The following TCF25 variants were observed in gnomAD, a reference collection of about 807,000 sequenced individuals.
The protein encoded by TCF25 is TCF25 ribosome quality control complex subunit.
TCF25 carries 41 observed loss-of-function variants against 83.1 expected under a neutral mutation model. The observed-to-expected ratio is 0.49, with a 90% CI of 0.38 to 0.64. TCF25 has a LOEUF of 0.64. Ranked by LOEUF, TCF25 falls within the 30% of genes least tolerant of loss-of-function variation. TCF25 has a pLI of 0.00. For synonymous variants in TCF25, 458 were observed against 365.0 expected (o/e 1.25, Z -2.90); for missense variants, 979 against 914.5 (o/e 1.07, Z -0.91).
chr16:89,898,521 G>T (rs747138855), intron 9 of TCF25, 36 bp from the exon 10 acceptor site: 2 of 1,603,794 alleles, frequency 1.2e-6, no homozygotes, highest in Non-Finnish European at 1.7e-6. Context: ...TCTCCTTTGT[G>T]TCGTTGTAAT....
chr16:89,901,094 T>G, intron 12 of TCF25: 1 of 272,570 alleles, frequency 3.7e-6, no homozygotes, highest in Non-Finnish European at 7.1e-6. Flanking sequence ...ATTGTACCAG[T>G]GCTGGGGAGG....
At position 89,898,565 on chromosome 16, in the gene TCF25, A is replaced by T. The variant is rs753686169; in HGVS notation, c.1031A>T (p.Tyr344Phe). The T allele has an allele frequency of 6.3e-7, 1 of 1,598,854 alleles. No individual in the cohort carries two copies. Among genetic ancestry groups the T allele is most frequent in the South Asian group, 1.1e-5 (1 of 90,592 alleles). The change falls in exon 10 of 18, where the codon TAC becomes TTC. Residue 344 changes from tyrosine to phenylalanine, a missense_variant. Transcript: ENST00000263346. ...AACTATTTTGGATCTAGGAGCTTCT[A>T]CCTGGCCCTCTACAAGCAGATGAGC... ...DYRRPENRSFYLALYKQMSFL... is the reference protein window; with the variant it reads ...DYRRPENRSFFLALYKQMSFL...
chr16:89,876,207 T>G (rs570150720), intron 1 of TCF25, among the ~76,000 whole-genome samples: 1 of 152,270 alleles, frequency 6.6e-6, no homozygotes, highest in South Asian at 2.1e-4. Flanking sequence ...CTTAGGAATT[T>G]CAGAGAATTT....
intron 11 of TCF25, among the ~76,000 whole-genome samples, chr16:89,899,952 G>T (rs1345527551): frequency 6.6e-6 from 1 of 152,168 alleles, no homozygotes; most frequent in Non-Finnish European, 1.5e-5. Flanking sequence ...GAATTTTTAA[G>T]CATTTGGCAT....
intron 1 of TCF25, among the ~76,000 whole-genome samples, chr16:89,879,120 T>C (rs1025587284): frequency 4.6e-5 from 7 of 151,308 alleles, no homozygotes; most frequent in African/African-American, 1.7e-4. Context: ...GTTGTCCGTG[T>C]ACACAGATGG....
chr16:89,878,434 A>ATTTT (rs34120033), intron 1 of TCF25: 604 of 1,005,474 alleles, frequency 6.0e-4, no homozygotes, highest in South Asian at 1.8e-3. Context: ...AAAAATCACC[A>ATTTT]TTTTTTTTTT....
At chr16:89,897,249 C>T (rs906286360) in intron 9 of TCF25, among the ~76,000 whole-genome samples, 1 of 152,244 alleles carries the variant, frequency 6.6e-6, no homozygotes. Flanking sequence ...GTGGAGGTCT[C>T]TCTTCTTTCA....
intron 6 of TCF25, among the ~76,000 whole-genome samples, 195 bp downstream of exon 6, chr16:89,892,470 A>G (rs564790311): frequency 6.6e-6 from 1 of 152,110 alleles, no homozygotes; most frequent in Admixed American, 6.5e-5. Flanking sequence ...TCTTTGCTCC[A>G]GGAGCGCTCC....
intron 16 of TCF25, among the ~76,000 whole-genome samples, chr16:89,908,410 C>CTCCCACCTCCCACCTTCCAGT (rs2045176374): frequency 3.3e-5 from 5 of 149,768 alleles, no homozygotes; most frequent in Admixed American, 2.0e-4. Context: ...CACCTCCCAG[C>CTCCCACCTCCCACCTTCCAGT]TCCCACCTCC....
chr16:89,898,578 C>T lies in TCF25; in HGVS notation c.1044C>T (p.Tyr348=). ...PENRSFYLAL[Y]KQMSFLEKRG... Reference sequence around the variant, plus strand: ...CTAGGAGCTTCTACCTGGCCCTCTACAAGCAGATGAGCTTCCTGGAGAAGC... The same window carrying T: ...CTAGGAGCTTCTACCTGGCCCTCTATAAGCAGATGAGCTTCCTGGAGAAGC... The change falls in exon 10 of 18, where the codon TAC becomes TAT. Residue 348 remains tyrosine (Y), a synonymous_variant. Coordinates refer to ENST00000263346, the MANE Select transcript of TCF25 (RefSeq NM_014972.3). 1 of 1,604,266 alleles carries T rather than the reference C, an allele frequency of 6.2e-7. No individual in the cohort carries two copies. The highest frequency in any genetic ancestry group is 8.5e-7 in the Non-Finnish European group (1 of 1,178,230).
rs546091534 is a variant in TCF25 at position 89,904,459 on chromosome 16, G to A, written c.1469+254G>A. The A allele has an allele frequency of 1.7e-4, 96 of 559,448 alleles. 2 individuals carry two copies. In the South Asian group the frequency reaches 1.9e-3, roughly 11 times the overall value. 34.7% of individuals were successfully genotyped at this position (559,448 alleles called of 1,614,324 possible). A position where few individuals can be genotyped will look rare whatever the true frequency, so the allele number is the denominator to read the frequency against. On this transcript the variant is annotated intron_variant, in intron 13 of 17. Coordinates refer to ENST00000263346, the MANE Select transcript of TCF25 (RefSeq NM_014972.3). ...ATATAAAGAGGGTGCCAGGCGTGGC[G>A]GCACATGCCTGTAATCTCAGCTTTT...
chr16:89,876,691 C>T (rs1312187225), intron 1 of TCF25, among the ~76,000 whole-genome samples: 8 of 152,004 alleles, frequency 5.3e-5, no homozygotes, highest in Non-Finnish European at 8.8e-5. Flanking sequence ...CTTTGGGAGG[C>T]CGACGTGGGC....
In TCF25 at chr16:89,883,463, C is replaced by G. The variant is rs773676014; in HGVS notation, c.305C>G (p.Thr102Arg). 16 of 1,613,716 alleles carry G rather than the reference C, an allele frequency of 9.9e-6. No individual in the cohort carries two copies. In the East Asian group the frequency reaches 1.3e-4, roughly 13 times the overall value. ...GNKGRGQRGN[T>R]ESKTDGDDTE... ...AAAGGAAGGGGTCAGCGTGGAAACA[C>G]AGAGAGCAAGACGGATGGAGATGAC... The change falls in exon 2 of 18, where the codon ACA (threonine) becomes AGA (arginine). Residue 102 changes from threonine (T) to arginine (R), a missense_variant. Physicochemically the swap from Thr to Arg is moderately conservative, Grantham distance 71 (BLOSUM62 -1). Transcript: ENST00000263346.
intron 2 of TCF25, 129 bp downstream of exon 2, chr16:89,883,641 T>C (rs886146849): frequency 1.3e-4 from 145 of 1,121,828 alleles, no homozygotes; most frequent in Non-Finnish European, 1.7e-4. Context: ...TACCTGCTAG[T>C]TGCCCCCAAA....
intron 1 of TCF25, chr16:89,878,548 A>G: frequency 8.2e-7 from 1 of 1,226,832 alleles, no homozygotes; most frequent in Non-Finnish European, 1.0e-6. Context: ...TTTATCCTAA[A>G]GAAGATCAGT....
At chr16:89,882,097 AC>A (rs1302638263) in intron 1 of TCF25, among the ~76,000 whole-genome samples, 1 of 152,080 alleles carries the variant, frequency 6.6e-6, no homozygotes, top group Admixed American at 6.5e-5. Context: ...TCCTGTTCTT[AC>A]CCTTCTCCCA....
chr16:89,910,955 G>A (rs2045504123), intron 17 of TCF25, 125 bp from the exon 18 acceptor site: 1 of 1,322,806 alleles, frequency 7.6e-7, no homozygotes, highest in African/African-American at 1.5e-5. Flanking sequence ...AGGGACCTGG[G>A]GAGGGTTCAG....
At chr16:89,880,274 A>G (rs12930606) in intron 1 of TCF25, among the ~76,000 whole-genome samples, 11,505 of 152,302 alleles carry the variant, frequency 0.076, 648 homozygotes, top group East Asian at 0.26. Context: ...GGAAGTCAGC[A>G]TGAGTTAATA....
chr16:89,905,475 G>A (rs1192969509), intron 14 of TCF25, among the ~76,000 whole-genome samples: 2 of 152,344 alleles, frequency 1.3e-5, no homozygotes, highest in South Asian at 2.1e-4. Flanking sequence ...TGAACACTTC[G>A]GAGGCTCATG....
Sources: allele counts gnomAD v4.1 joint callset (sites outside exome capture counted in the v4.1 genomes callset), GRCh38; gene constraint gnomAD v4.1.1; transcripts MANE v1.5; gene names NCBI Gene and HGNC (gene_info 2026-07-23, HGNC 2026-07-21).